The following SIPA1L2 variants were observed in gnomAD, a reference collection of about 807,000 sequenced individuals.
The protein encoded by SIPA1L2 is signal-induced proliferation-associated 1-like protein 2.
SIPA1L2 carries 56 observed loss-of-function variants against 163.9 expected under a neutral mutation model. The ratio of observed to expected loss-of-function variants is 0.34; its 90% CI spans 0.28 to 0.43. The LOEUF is 0.43. Among genes scored for constraint, SIPA1L2 ranks in the 20% least tolerant of loss-of-function variants. The pLI is 1.00. For synonymous variants in SIPA1L2, 877 were observed against 865.7 expected (o/e 1.01, Z -0.23); for missense variants, 1,974 against 2,193.5 (o/e 0.90, Z 2.00).
intron 1 of SIPA1L2, among the ~76,000 whole-genome samples, chr1:232,626,808 G>A (rs561177506): frequency 2.0e-5 from 3 of 152,090 alleles, no homozygotes; most frequent in East Asian, 1.9e-4. Context: ...TAATGCGTTC[G>A]TCTTAAACCT....
At chr1:232,625,245 A>G (rs923416175) in intron 1 of SIPA1L2, among the ~76,000 whole-genome samples, 5 of 152,216 alleles carry the variant, frequency 3.3e-5, no homozygotes, top group Non-Finnish European at 5.9e-5. Flanking sequence ...CCTCGAGGGA[A>G]GCTTCCAGAG....
intron 3 of SIPA1L2, among the ~76,000 whole-genome samples, chr1:232,502,484 A>C (rs1377337449): frequency 1.3e-5 from 2 of 152,174 alleles, no homozygotes; most frequent in African/African-American, 2.4e-5. Context: ...TTCACTGAGT[A>C]ATTTCTATCA....
chr1:232,567,093 CCA>C (rs1659449369), intron 2 of SIPA1L2, among the ~76,000 whole-genome samples: 3 of 152,276 alleles, frequency 2.0e-5, no homozygotes, highest in Non-Finnish European at 2.9e-5. Flanking sequence ...TGGGGCACTG[CCA>C]CAGAGATCTG....
chr1:232,513,356 G>C (rs1667068333), intron 3 of SIPA1L2, among the ~76,000 whole-genome samples: 1 of 152,216 alleles, frequency 6.6e-6, no homozygotes, highest in African/African-American at 2.4e-5. Context: ...AAATTTGTCT[G>C]TTGTGGTAAT....
At chr1:232,477,317 A>C (rs535022152) in intron 7 of SIPA1L2, among the ~76,000 whole-genome samples, 1 of 152,344 alleles carries the variant, frequency 6.6e-6, no homozygotes, top group Non-Finnish European at 1.5e-5. Flanking sequence ...ATATCTAATG[A>C]ATTATAAAAC....
chr1:232,423,192 G>C (rs1453692201), intron 18 of SIPA1L2, among the ~76,000 whole-genome samples: 4 of 152,190 alleles, frequency 2.6e-5, no homozygotes, highest in Non-Finnish European at 5.9e-5. Flanking sequence ...AGTGTGCTGA[G>C]TACGTTTAAG....
rs374979703 is a variant in SIPA1L2 at position 232,465,164 on chromosome 1, C to T, written c.2496G>A (p.Thr832=). 23 of 1,614,174 alleles carry T rather than the reference C, an allele frequency of 1.4e-5. No homozygotes were observed. The highest frequency in any genetic ancestry group is 5.3e-5 in the African/African-American group (4 of 75,046). The change falls in exon 9 of 23, where the codon ACG becomes ACA. Residue 832 remains threonine, a synonymous_variant. Coordinates refer to ENST00000674635, the MANE Select transcript of SIPA1L2 (RefSeq NM_020808.5). This position sits in a 1 kb window ranked among gnomAD's most constrained non-coding sequence, Gnocchi z 4.1. ...CCTTCTCCTTTTTCTTCGCACCCAG[C>T]GTAATGAAGCTGAACTTCACAGAGG... ...VDTSVKFSFI[T]LGAKKKEKVK... is the part of the protein sequence containing the mutation.
rs1427999326 is a variant in SIPA1L2, at chr1:232,445,626, T to C, written c.3256A>G (p.Thr1086Ala). The C allele has an allele frequency of 3.7e-6, 6 of 1,613,846 alleles. No homozygotes were observed. The highest frequency in any genetic ancestry group is 5.1e-6 in the Non-Finnish European group (6 of 1,179,972). ...TGTTGGCACGGCAGCCGGTCGGGCG[T>C]GCCGGGGATGGGGGAAGCTCTAGAG... ...PLSRASPIPGTPDRLPCQQLL... is the reference protein window; with the variant it reads ...PLSRASPIPGAPDRLPCQQLL... The change falls in exon 11 of 23, where the codon ACG becomes GCG. Residue 1086 changes from threonine (T) to alanine (A), a missense_variant. This residue lies in a region of SIPA1L2 where 1,079 missense variants were observed against 1,150.7 expected (regional missense o/e 0.94). Coordinates refer to ENST00000674635, the MANE Select transcript of SIPA1L2 (RefSeq NM_020808.5).
intron 15 of SIPA1L2, among the ~76,000 whole-genome samples, chr1:232,436,816 A>C: frequency 6.6e-6 from 1 of 152,190 alleles, no homozygotes; most frequent in Admixed American, 6.5e-5. Flanking sequence ...AGGAAGTGTT[A>C]AAAAGATTTC....
At chr1:232,561,332 G>A (rs1156875509) in intron 2 of SIPA1L2, 1 of 152,228 alleles carries the variant, frequency 6.6e-6, no homozygotes, top group Admixed American at 6.5e-5. Context: ...TTGCACATAT[G>A]TACCTGTCAC....
intron 2 of SIPA1L2, among the ~76,000 whole-genome samples, chr1:232,540,837 T>C (rs1231155266): frequency 6.6e-6 from 1 of 152,204 alleles, no homozygotes; most frequent in Non-Finnish European, 1.5e-5. Flanking sequence ...AATGCCTTCA[T>C]CAGGCACCTT....
intron 17 of SIPA1L2, among the ~76,000 whole-genome samples, chr1:232,426,485 C>G (rs1270673479): frequency 1.3e-5 from 2 of 152,056 alleles, no homozygotes; most frequent in Non-Finnish European, 2.9e-5. Flanking sequence ...ATGGTAAAAC[C>G]CTGTCTCCAC....
chr1:232,404,645 T>C (rs16856996), intron 19 of SIPA1L2, among the ~76,000 whole-genome samples: 3,645 of 152,250 alleles, frequency 0.024, 152 homozygotes, highest in African/African-American at 0.082. Flanking sequence ...GAACTTAATA[T>C]TCAATGTTTT....
intron 8 of SIPA1L2, among the ~76,000 whole-genome samples, chr1:232,466,083 A>G (rs1338123875): frequency 6.6e-6 from 1 of 152,176 alleles, no homozygotes; most frequent in Admixed American, 6.5e-5. Flanking sequence ...AGGGGGTAAC[A>G]CATCCACAGC....
intron 2 of SIPA1L2, among the ~76,000 whole-genome samples, chr1:232,565,548 G>C (rs923812794): frequency 1.3e-5 from 2 of 152,110 alleles, no homozygotes; most frequent in African/African-American, 4.8e-5. Flanking sequence ...ATAAAAGAAA[G>C]AACACCTGCA....
At position 232,425,728 on chromosome 1, in the gene SIPA1L2, C is replaced by G. The variant is rs753614247; in HGVS notation, c.4491G>C (p.Arg1497Ser). ...TCCGGGAACTGCCAAAGGAGGACCC[C>G]CTCCTGTTGCTGCAGATGCTCTCGT... ...LSDESICSNR[R>S]GSSFGSSRSS... Residue 1497 changes from arginine to serine, a missense_variant, in exon 18 of 23, where the codon AGG (arginine) becomes AGC (serine). Around this residue, in one of 3 missense-constraint regions of SIPA1L2, gnomAD observed 1,079 missense variants for 1,150.7 expected, o/e 0.94. Transcript: ENST00000674635. 1 of 1,614,114 alleles carries G rather than the reference C, an allele frequency of 6.2e-7. No homozygotes were observed. The highest frequency in any genetic ancestry group is 1.7e-5 in the Admixed American group (1 of 60,010).
At chr1:232,461,201 C>A in intron 9 of SIPA1L2, 40 bp from the exon 10 acceptor site, 1 of 1,594,986 alleles carries the variant, frequency 6.3e-7, no homozygotes, top group South Asian at 1.1e-5. Flanking sequence ...CCTTCCTGCC[C>A]AAGCTGCCAT....
chr1:232,432,551 G>A, intron 15 of SIPA1L2, 80 bp from the exon 16 acceptor site: 2 of 1,307,900 alleles, frequency 1.5e-6, no homozygotes, highest in Non-Finnish European at 1.1e-6. Flanking sequence ...AGAGCCACAA[G>A]GCTTTACTCA....
At chr1:232,446,611 C>T (rs191911264) in intron 10 of SIPA1L2, among the ~76,000 whole-genome samples, 222 of 152,350 alleles carry the variant, frequency 1.5e-3, no homozygotes, top group African/African-American at 5.1e-3. Context: ...GCAGCATAAC[C>T]AGTCTTAGTG....
Sources: gnomAD v4.1 joint callset for allele counts (sites outside exome capture counted in the v4.1 genomes callset) on GRCh38, gnomAD v4.1.1 for gene constraint, gnomAD v4.1.1 regional missense constraint, Gnocchi (gnomAD v3.1) non-coding constraint, MANE v1.5 for transcripts, NCBI Gene and HGNC (gene_info 2026-07-23, HGNC 2026-07-21) for gene names.